Variants in FABP3 observed in about 807,000 individuals in gnomAD.
The protein encoded by FABP3 is fatty acid binding protein 3, also known as fatty acid-binding protein, heart.
In FABP3, 8 loss-of-function variants were observed where a neutral mutation model predicts 13.4. The observed-to-expected ratio is 0.60, with a 90% CI of 0.35 to 1.07. The LOEUF (loss-of-function observed/expected upper bound fraction) is 1.07, where lower values mean the gene tolerates loss of function less well. Ranked by LOEUF, FABP3 falls within the 50% of genes least tolerant of loss-of-function variation. The pLI is 0.02. For missense variants in FABP3, 135 were observed against 164.7 expected (o/e 0.82, Z 0.99); for synonymous variants, 64 against 60.0 (o/e 1.07, Z -0.31).
rs746563492 is a variant in FABP3 at position 31,369,524 on chromosome 1, A to G, written c.107T>C (p.Met36Thr). 31 of 1,614,044 alleles carry G rather than the reference A, an allele frequency of 1.9e-5. No homozygotes were observed. The highest frequency in any genetic ancestry group is 1.1e-4 in the African/African-American group (8 of 74,930). Residue 36 changes from methionine (M) to threonine (T), a missense_variant, in exon 2 of 4, where the codon ATG becomes ACG. By Grantham distance (81) the Met-to-Thr change is moderately conservative. Coordinates refer to ENST00000373713, the MANE Select transcript of FABP3 (RefSeq NM_004102.5). The stretch of plus-strand genomic sequence containing the variant: ...TTCGATGATTGTGGTAGGCTTGGTC[A>G]TGCTGGCCACCTGCCTGGTAGCAAA... ...VGFATRQVAS[M>T]TKPTTIIEKN... is the part of the protein sequence containing the mutation.
chr1:31,366,959 A>G (rs1443889540), intron 3 of FABP3, among the ~76,000 whole-genome samples: 1 of 152,158 alleles, frequency 6.6e-6, no homozygotes, highest in Non-Finnish European at 1.5e-5. Flanking sequence ...AGGGCCTGGG[A>G]TCAGATTTGG....
the FABP3 span, among the ~76,000 whole-genome samples, chr1:31,359,874 T>C: frequency 1.3e-5 from 2 of 152,208 alleles, no homozygotes; most frequent in East Asian, 1.9e-4. Flanking sequence ...CCCATTATCT[T>C]CTGTTTCCCT....
At position 31,373,057 on chromosome 1, in the gene FABP3, C is replaced by G; in HGVS notation, c.-43G>C. The stretch of plus-strand genomic sequence containing the variant: ...CTGAGAGAAGCTACAAGAGAGCAGG[C>G]GTGCAAGGGCTCCGACGGCGGCTCC... On this transcript the variant is annotated 5_prime_UTR_variant, in exon 1 of 4. Coordinates refer to ENST00000373713, the MANE Select transcript of FABP3 (RefSeq NM_004102.5). 1 of 1,592,932 alleles carries G rather than the reference C, an allele frequency of 6.3e-7. No homozygotes were observed. The highest frequency in any genetic ancestry group is 8.6e-7 in the Non-Finnish European group (1 of 1,161,518).
chr1:31,365,134 A>G (rs1640078657), downstream of FABP3, among the ~76,000 whole-genome samples: 1 of 152,168 alleles, frequency 6.6e-6, no homozygotes. Context: ...CCCTTTTGTA[A>G]TGATCAGATG....
At chr1:31,367,959 T>A (rs1405603460) in intron 2 of FABP3, among the ~76,000 whole-genome samples, 2 of 152,232 alleles carry the variant, frequency 1.3e-5, no homozygotes, top group Non-Finnish European at 2.9e-5. Context: ...TAAAAGACCC[T>A]TAGTGATAGG....
rs12064630 is a variant in FABP3, at chr1:31,365,593, C to G, written c.*293G>C. ...TCAGGCCGTTATTTCTGCCCACTCTCTGACACACAGGATAAACCAAGACTC... is the reference window on the plus strand; with the variant it reads ...TCAGGCCGTTATTTCTGCCCACTCTGTGACACACAGGATAAACCAAGACTC... On this transcript the variant is annotated 3_prime_UTR_variant, in exon 4 of 4. Transcript: ENST00000373713. The G allele has an allele frequency of 2.7e-6, 1 of 368,210 alleles. No homozygotes were observed. The highest frequency in any genetic ancestry group is 5.1e-6 in the Non-Finnish European group (1 of 195,814). 22.8% of individuals were successfully genotyped at this position (368,210 alleles called of 1,614,324 possible).
At position 31,367,428 on chromosome 1, in the gene FABP3, G is replaced by A. The variant is rs778173389; in HGVS notation, c.313C>T (p.Leu105Phe). The stretch of plus-strand genomic sequence containing the variant: ...TTTCCATCAATTAGCTCCCGCACAA[G>A]TGTGGTCTCTTGCCCGTCCCATTTC... ...LQKWDGQETT[L>F]VRELIDGKLI... The change falls in exon 3 of 4, where the codon CTT becomes TTT. Residue 105 changes from leucine (L) to phenylalanine (F), a missense_variant. By Grantham distance (22) the Leu-to-Phe change is conservative. Coordinates refer to ENST00000373713, the MANE Select transcript of FABP3 (RefSeq NM_004102.5). 5 of 1,614,224 alleles carry A rather than the reference G, an allele frequency of 3.1e-6. No individual in the cohort carries two copies. Among genetic ancestry groups the A allele is most frequent in the Non-Finnish European group, 4.2e-6 (5 of 1,180,024 alleles).
intron 3 of FABP3, 133 bp downstream of exon 3, chr1:31,367,260 C>G (rs1379764292): frequency 3.9e-6 from 3 of 777,546 alleles, no homozygotes; most frequent in Non-Finnish European, 2.3e-6. Context: ...CCTGATACCA[C>G]CCTGACCCAC....
chr1:31,369,391 C>T lies in FABP3; in HGVS notation c.240G>A (p.Lys80=). 2 of 1,614,056 alleles carry T rather than the reference C, an allele frequency of 1.2e-6. No individual in the cohort carries two copies. Among genetic ancestry groups the T allele is most frequent in the Non-Finnish European group, 8.5e-7 (1 of 1,179,952 alleles). The change falls in exon 2 of 4, where the codon AAG becomes AAA. Residue 80 remains lysine (K), a synonymous_variant. Transcript: ENST00000373713. ...EFDETTADDR[K]VKSIVTLDGG... Reference sequence around the variant, plus strand: ...CCCTGTTTCCCTGACTTACCTTGACCTTCCTGTCATCTGCTGTTGTCTCAT... The same window carrying T: ...CCCTGTTTCCCTGACTTACCTTGACTTTCCTGTCATCTGCTGTTGTCTCAT...
chr1:31,366,048 G>T (rs995813145), intron 3 of FABP3, 109 bp from the exon 4 acceptor site: 5 of 883,842 alleles, frequency 5.7e-6, no homozygotes, highest in Non-Finnish European at 9.0e-6. Flanking sequence ...ACTATGTGCC[G>T]GCTATATGTA....
chr1:31,369,228 A>G, intron 2 of FABP3, 157 bp downstream of exon 2: 3 of 769,024 alleles, frequency 3.9e-6, no homozygotes, highest in Non-Finnish European at 4.3e-6. Context: ...CATCAGTGGC[A>G]TTCCAGCACT....
downstream of FABP3, chr1:31,364,963 C>G (rs1640074267): frequency 6.6e-6 from 1 of 152,144 alleles, no homozygotes; most frequent in African/African-American, 2.4e-5. Flanking sequence ...TCCTATAATC[C>G]TTCTTCCTGG....
intron 2 of FABP3, among the ~76,000 whole-genome samples, chr1:31,368,628 C>T (rs751932856): frequency 6.6e-6 from 1 of 152,198 alleles, no homozygotes; most frequent in Non-Finnish European, 1.5e-5. Context: ...GCTATAGGGA[C>T]ACCCTATAGA....
At chr1:31,363,565 G>T (rs1640011940), downstream of FABP3, among the ~76,000 whole-genome samples, 1 of 152,132 alleles carries the variant, frequency 6.6e-6, no homozygotes, top group Non-Finnish European at 1.5e-5. Context: ...GCCAAGGTGG[G>T]CAGATTGCTT....
downstream of FABP3, among the ~76,000 whole-genome samples, chr1:31,363,537 ATCACAGCACTTCGGGAGGCCAAG>A (rs1242191432): frequency 2.6e-5 from 4 of 152,212 alleles, no homozygotes; most frequent in African/African-American, 9.6e-5. Flanking sequence ...CACACCTGTA[ATCACAGCACTTCGGGAGGCCAAG>A]GTGGGCAGAT....
chr1:31,360,070 T>G, the FABP3 span, among the ~76,000 whole-genome samples: 5 of 151,836 alleles, frequency 3.3e-5, no homozygotes, highest in Non-Finnish European at 5.9e-5. Context: ...AACCTCTGCC[T>G]CCGGGTTCAA....
At chr1:31,368,296 G>T (rs1640146615) in intron 2 of FABP3, among the ~76,000 whole-genome samples, 1 of 152,182 alleles carries the variant, frequency 6.6e-6, no homozygotes, top group South Asian at 2.1e-4. Context: ...GTCTCTTAGT[G>T]TGCTCTTTTT....
the FABP3 span, among the ~76,000 whole-genome samples, chr1:31,360,233 GA>G: frequency 6.8e-6 from 1 of 146,728 alleles, no homozygotes. Flanking sequence ...GCAGTGGCGC[GA>G]TCTTGGCTCA....
At chr1:31,361,786 A>ATTATTAAT (rs1639907986), downstream of FABP3, among the ~76,000 whole-genome samples, 1 of 145,814 alleles carries the variant, frequency 6.9e-6, no homozygotes, top group Admixed American at 6.9e-5. Flanking sequence ...AGAGGGGGAG[A>ATTATTAAT]TTATTTATTT....
Sources: allele counts gnomAD v4.1 joint callset (sites outside exome capture counted in the v4.1 genomes callset), GRCh38; gene constraint gnomAD v4.1.1; transcripts MANE v1.5; gene names NCBI Gene and HGNC (gene_info 2026-07-23, HGNC 2026-07-21).